Variants in ELAVL4 observed in about 807,000 individuals in gnomAD.
ELAVL4 encodes the protein ELAV like RNA binding protein 4, also known as ELAV-like protein 4.
Under a neutral mutation model 35.6 loss-of-function variants are expected in ELAVL4, and 1 was observed. The observed-to-expected ratio is 0.03, with a 90% CI of 0.01 to 0.13. The LOEUF is 0.13. Ranked by LOEUF, ELAVL4 falls within the 10% of genes least tolerant of loss-of-function variation. ELAVL4 has a pLI of 1.00. For synonymous variants in ELAVL4, 156 were observed against 171.0 expected (o/e 0.91, Z 0.69); for missense variants, 267 against 464.9 (o/e 0.57, Z 3.91).
chr1:50,138,702 G>A (rs1672313073), intron 1 of ELAVL4, among the ~76,000 whole-genome samples: 1 of 152,112 alleles, frequency 6.6e-6, no homozygotes, highest in South Asian at 2.1e-4. Context: ...CTGATCTCAG[G>A]TGATCCTCCC....
Position 50,098,764 on chromosome 1 carries a change from T to A in ELAVL4, c.19-46193T>A, listed in dbSNP as rs12029147. 8.1e-3 allele frequency among the ~76,000 whole-genome samples: 1,230 copies of A among 152,278 alleles called. 9 individuals carry two copies. The highest frequency in any genetic ancestry group is 0.031 in the Middle Eastern group (9 of 294). ...GAACTAAAAAGGGTCAAGTGGAGAGTTGCCTCTTTCTGACAGTTATATAGC... is the reference window on the plus strand; with the variant it reads ...GAACTAAAAAGGGTCAAGTGGAGAGATGCCTCTTTCTGACAGTTATATAGC... On this transcript the variant is annotated intron_variant, in intron 1 of 6. Coordinates refer to the ELAVL4 transcript ENST00000448907.
At chr1:50,050,179 A>G (rs548458583) in intron 1 of ELAVL4, among the ~76,000 whole-genome samples, 1 of 152,376 alleles carries the variant, frequency 6.6e-6, no homozygotes, top group African/African-American at 2.4e-5. Flanking sequence ...CGTAAAGTTG[A>G]CATGAGAATT....
intron 2 of ELAVL4, among the ~76,000 whole-genome samples, chr1:50,165,513 ATATATACG>A (rs1013969171): frequency 6.7e-6 from 1 of 150,084 alleles, no homozygotes; most frequent in African/African-American, 2.4e-5. Flanking sequence ...TATACTATGC[ATATATACG>A]TATATACATA....
At chr1:50,197,689 A>T in intron 6 of ELAVL4, 2 of 448,910 alleles carry the variant, frequency 4.5e-6, no homozygotes, top group Non-Finnish European at 7.7e-6. Context: ...TTTTATTTGC[A>T]GGTGGGCTTC....
chr1:50,110,014 T>A (rs1666792083), intron 1 of ELAVL4: 1 of 1,605,114 alleles, frequency 6.2e-7, no homozygotes, highest in African/African-American at 1.3e-5. Context: ...TGTGTGTGTG[T>A]GTGTGTGTGT....
chr1:50,064,885 G>A (rs1365514064), intron 1 of ELAVL4, among the ~76,000 whole-genome samples: 1 of 152,130 alleles, frequency 6.6e-6, no homozygotes, highest in Non-Finnish European at 1.5e-5. Flanking sequence ...ATCCCCAAGT[G>A]GTGTTGAGTT....
At chr1:50,174,828 G>C (rs1332241744) in intron 2 of ELAVL4, 1 of 152,122 alleles carries the variant, frequency 6.6e-6, no homozygotes, top group Non-Finnish European at 1.5e-5. Context: ...ATTTTAGAAA[G>C]ATGGATAGTG....
At chr1:50,065,878 A>G (rs1447730664) in intron 1 of ELAVL4, among the ~76,000 whole-genome samples, 2 of 152,158 alleles carry the variant, frequency 1.3e-5, no homozygotes, top group African/African-American at 4.8e-5. Flanking sequence ...TCACTGGACT[A>G]TCTTCCATGT....
At chr1:50,153,143 T>C (rs920006867) in intron 2 of ELAVL4, among the ~76,000 whole-genome samples, 1 of 152,232 alleles carries the variant, frequency 6.6e-6, no homozygotes, top group African/African-American at 2.4e-5. Flanking sequence ...TCTACCTTGC[T>C]GTTTTGTGGG....
At chr1:50,177,730 G>C (rs934781497) in intron 3 of ELAVL4, among the ~76,000 whole-genome samples, 2 of 152,150 alleles carry the variant, frequency 1.3e-5, no homozygotes, top group Admixed American at 6.5e-5. Flanking sequence ...TCCTAATCGA[G>C]ACTCGAAAAG....
intron 1 of ELAVL4, among the ~76,000 whole-genome samples, chr1:50,062,027 G>A (rs537897474): frequency 1.3e-5 from 2 of 152,260 alleles, no homozygotes; most frequent in Admixed American, 1.3e-4. Context: ...AATGGCTCAA[G>A]GTGTCACAGC....
At chr1:50,051,736 T>G (rs1199625514) in intron 1 of ELAVL4, among the ~76,000 whole-genome samples, 1 of 152,170 alleles carries the variant, frequency 6.6e-6, no homozygotes, top group Non-Finnish European at 1.5e-5. Flanking sequence ...TAAAATCTAT[T>G]TCATCTTTTG....
chr1:50,106,059 A>C, upstream of ELAVL4: 2 of 400,042 alleles, frequency 5.0e-6, no homozygotes, highest in Non-Finnish European at 8.8e-6. Flanking sequence ...GAAGTCAAGG[A>C]AATACAATTC....
At chr1:50,184,798 C>T (rs1234577198) in intron 3 of ELAVL4, among the ~76,000 whole-genome samples, 1 of 152,166 alleles carries the variant, frequency 6.6e-6, no homozygotes, top group Non-Finnish European at 1.5e-5. Flanking sequence ...ATGATGTAGA[C>T]AGGATTTCAG....
At chr1:50,051,728 A>G (rs933247928) in intron 1 of ELAVL4, among the ~76,000 whole-genome samples, 1 of 152,156 alleles carries the variant, frequency 6.6e-6, no homozygotes, top group Non-Finnish European at 1.5e-5. Context: ...TGGATTTTTA[A>G]AATCTATTTC....
chr1:50,073,587 T>C (rs1041052021), intron 1 of ELAVL4, among the ~76,000 whole-genome samples: 3 of 152,106 alleles, frequency 2.0e-5, no homozygotes, highest in Non-Finnish European at 2.9e-5. Context: ...TGCATTAAAA[T>C]TTATGAAAAA....
intron 1 of ELAVL4, among the ~76,000 whole-genome samples, chr1:50,144,035 C>A (rs2148685697): frequency 6.6e-6 from 1 of 152,262 alleles, no homozygotes; most frequent in Non-Finnish European, 1.5e-5. Context: ...ATCTCCCTAT[C>A]CTATAAGCAG....
At chr1:50,076,268 C>T (rs1241140220) in intron 1 of ELAVL4, among the ~76,000 whole-genome samples, 1 of 152,188 alleles carries the variant, frequency 6.6e-6, no homozygotes, top group African/African-American at 2.4e-5. Context: ...TCCACAGTTT[C>T]AGTGACCCTT....
At chr1:50,162,187 T>C (rs1318293400) in intron 2 of ELAVL4, among the ~76,000 whole-genome samples, 1 of 152,186 alleles carries the variant, frequency 6.6e-6, no homozygotes, top group Non-Finnish European at 1.5e-5. Flanking sequence ...AGAAATAAAA[T>C]GTTTAGTATA....
Sources: gnomAD v4.1 joint callset for allele counts (sites outside exome capture counted in the v4.1 genomes callset) on GRCh38, gnomAD v4.1.1 for gene constraint, MANE v1.5 for transcripts, NCBI Gene and HGNC (gene_info 2026-07-23, HGNC 2026-07-21) for gene names.